The following LAMA1 variants were observed in gnomAD, a reference collection of about 807,000 sequenced individuals.
LAMA1 encodes laminin subunit alpha 1.
In LAMA1, 219 loss-of-function variants were observed where a neutral mutation model predicts 348.7. The observed-to-expected ratio is 0.63, with a 90% CI of 0.56 to 0.70. The LOEUF (loss-of-function observed/expected upper bound fraction) is 0.70, where lower values mean the gene tolerates loss of function less well. Among genes scored for constraint, LAMA1 ranks in the 30% least tolerant of loss-of-function variants. LAMA1 has a pLI of 0.00. For synonymous variants in LAMA1, 1,487 were observed against 1,491.0 expected (o/e 1.00, Z 0.06); for missense variants, 3,744 against 3,888.0 (o/e 0.96, Z 0.99).
chr18:7,095,124 CTCTCTCTCT>C (rs2058255736), intron 1 of LAMA1, among the ~76,000 whole-genome samples: 1 of 15,786 alleles, frequency 6.3e-5, no homozygotes, highest in Non-Finnish European at 1.0e-4. Flanking sequence ...CAGGACCTTT[CTCTCTCTCT>C]CTCTCTCTCT....
chr18:6,995,497 G>T, intron 33 of LAMA1, 51 bp from the exon 34 acceptor site: 2 of 967,296 alleles, frequency 2.1e-6, no homozygotes, highest in South Asian at 2.6e-5. Context: ...AAAATGTTCT[G>T]ATTCTTAACT....
intron 19 of LAMA1, among the ~76,000 whole-genome samples, chr18:7,021,454 A>T (rs1240523104): frequency 6.6e-6 from 1 of 152,162 alleles, no homozygotes; most frequent in Non-Finnish European, 1.5e-5. Flanking sequence ...AATTTTAAAT[A>T]TGTTTGAACT....
At chr18:7,070,601 A>C (rs1185016027) in intron 3 of LAMA1, among the ~76,000 whole-genome samples, 3 of 152,196 alleles carry the variant, frequency 2.0e-5, no homozygotes, top group African/African-American at 7.2e-5. Flanking sequence ...AAAACCCAGC[A>C]CACAAGCAGC....
intron 3 of LAMA1, among the ~76,000 whole-genome samples, chr18:7,057,196 C>T (rs1197969883): frequency 1.3e-5 from 2 of 152,078 alleles, no homozygotes; most frequent in Non-Finnish European, 2.9e-5. Context: ...ATTCTTCTTA[C>T]AAAGTAAGTA....
chr18:7,082,910 A>G (rs190326573), intron 1 of LAMA1, among the ~76,000 whole-genome samples: 1 of 142,662 alleles, frequency 7.0e-6, no homozygotes, highest in Admixed American at 6.7e-5. Context: ...CACCCCCACC[A>G]GTTGCAGGAC....
chr18:7,079,882 T>C (rs564018744), intron 3 of LAMA1, 93 bp downstream of exon 3: 601 of 872,214 alleles, frequency 6.9e-4, no homozygotes, highest in South Asian at 1.8e-3. Flanking sequence ...AATGTAAATG[T>C]GTTCAGAAAG....
intron 1 of LAMA1, among the ~76,000 whole-genome samples, chr18:7,087,799 G>A (rs887642583): frequency 6.6e-6 from 1 of 152,112 alleles, no homozygotes; most frequent in Non-Finnish European, 1.5e-5. Flanking sequence ...CCTTGGCCGA[G>A]GGCTTTACCT....
At chr18:6,982,982 G>T in intron 40 of LAMA1, 117 bp downstream of exon 40, 2 of 1,338,454 alleles carry the variant, frequency 1.5e-6, no homozygotes. Flanking sequence ...GCCAGAAACA[G>T]ATTCCACCAG....
At chr18:7,033,753 G>A (rs1284937970) in intron 14 of LAMA1, among the ~76,000 whole-genome samples, 2 of 133,918 alleles carry the variant, frequency 1.5e-5, no homozygotes, top group African/African-American at 5.9e-5. Context: ...TTTTTTTTTT[G>A]AGACAAAGTC....
At chr18:6,946,488 G>C (rs1456559442) in intron 61 of LAMA1, among the ~76,000 whole-genome samples, 2 of 152,072 alleles carry the variant, frequency 1.3e-5, no homozygotes, top group Admixed American at 6.6e-5. Context: ...TGGGAGGCGA[G>C]GCGGGCGGAT....
chr18:6,999,338 A>ATAGGATGT (rs1182235872), intron 32 of LAMA1, 107 bp downstream of exon 32: 1 of 1,071,376 alleles, frequency 9.3e-7, no homozygotes, highest in Non-Finnish European at 1.4e-6. Context: ...TGAAAATAAA[A>ATAGGATGT]TAGGATGTTT....
chr18:7,039,066 C>T, intron 10 of LAMA1, 116 bp from the exon 11 acceptor site: 1 of 863,740 alleles, frequency 1.2e-6, no homozygotes, highest in East Asian at 2.4e-5. Context: ...AATAAACGTC[C>T]AAAGTAAAGG....
At chr18:6,951,792 A>G (rs2143978249) in intron 57 of LAMA1, among the ~76,000 whole-genome samples, 1 of 152,272 alleles carries the variant, frequency 6.6e-6, no homozygotes, top group Middle Eastern at 3.4e-3. Flanking sequence ...AAGCAACAGG[A>G]TTTGCCAATG....
intron 3 of LAMA1, among the ~76,000 whole-genome samples, chr18:7,072,988 C>A (rs923930036): frequency 6.6e-5 from 10 of 152,102 alleles, no homozygotes; most frequent in African/African-American, 2.4e-4. Context: ...TTTCCAGGAC[C>A]CCCAGAAGAG....
At chr18:7,020,808 T>C (rs973206093) in intron 19 of LAMA1, among the ~76,000 whole-genome samples, 1 of 152,184 alleles carries the variant, frequency 6.6e-6, no homozygotes, top group Non-Finnish European at 1.5e-5. Flanking sequence ...TTTCGGGTCT[T>C]GTCTCCTAAC....
chr18:7,024,376 G>C lies in LAMA1; in HGVS notation c.2489+4C>G, dbSNP rs759796107. On this transcript the variant is annotated splice_donor_region_variant and intron_variant, in intron 18 of 62. Transcript: ENST00000389658. ...ATGTGTTGAAGCCAGTGGATGCAGAGTACCTCTCACACCAAGCTCCTGAGT... is the reference window on the plus strand; with the variant it reads ...ATGTGTTGAAGCCAGTGGATGCAGACTACCTCTCACACCAAGCTCCTGAGT... The C allele has an allele frequency of 6.2e-7, 1 of 1,612,150 alleles. No individual in the cohort carries two copies. Among genetic ancestry groups the C allele is most frequent in the Middle Eastern group, 1.7e-4 (1 of 6,060 alleles).
In LAMA1 at chr18:7,009,315, C is replaced by T. The variant is rs2057848113; in HGVS notation, c.3925G>A (p.Asp1309Asn). Residue 1309 changes from aspartate to asparagine, a missense_variant, in exon 27 of 63, where the codon GAT becomes AAT. By Grantham distance (23) the Asp-to-Asn change is conservative. This residue lies in a region of LAMA1 where 1,983 missense variants were observed against 1,934.3 expected (regional missense o/e 1.03). Transcript: ENST00000389658. The part of the protein sequence containing the change: ...SVSEKPVTRE[D>N]FMSVLSDIEY... ...ATATCGCTGAGGACAGACATAAAAT[C>T]CTCTCGCGTGACAGGTTTTTCAGAA... 1.9e-6 allele frequency: 3 copies of T among 1,614,028 alleles called. No homozygotes were observed. Among genetic ancestry groups the T allele is most frequent in the Non-Finnish European group, 2.5e-6 (3 of 1,179,914 alleles).
intron 1 of LAMA1, among the ~76,000 whole-genome samples, chr18:7,115,019 A>C (rs2143842762): frequency 6.6e-6 from 1 of 152,332 alleles, no homozygotes; most frequent in East Asian, 1.9e-4. Flanking sequence ...GAAGAAGGAA[A>C]AAAAGAATGG....
At chr18:6,957,441 T>A (rs974063888) in intron 55 of LAMA1, 2 of 154,134 alleles carry the variant, frequency 1.3e-5, no homozygotes, top group African/African-American at 4.8e-5. Context: ...ACATTATGAT[T>A]GTATTCAAAC....
Sources: gnomAD v4.1 joint callset for allele counts (sites outside exome capture counted in the v4.1 genomes callset) on GRCh38, gnomAD v4.1.1 for gene constraint, gnomAD v4.1.1 regional missense constraint, MANE v1.5 for transcripts, NCBI Gene and HGNC (gene_info 2026-07-23, HGNC 2026-07-21) for gene names.